Variants in SRCIN1 observed in about 807,000 individuals in gnomAD.
SRCIN1 encodes the protein SRC kinase signaling inhibitor 1.
SRCIN1 carries 50 observed loss-of-function variants against 116.2 expected under a neutral mutation model. That is an observed-to-expected ratio of 0.43 (90% CI 0.34 to 0.54). The LOEUF (loss-of-function observed/expected upper bound fraction) is 0.54. Among genes scored for constraint, SRCIN1 ranks in the 20% least tolerant of loss-of-function variants. The pLI is 0.02. For missense variants in SRCIN1, 1,446 were observed against 1,672.0 expected, an observed-to-expected ratio of 0.86 and a Z score of 2.36; for synonymous variants, 736 against 750.0, an observed-to-expected ratio of 0.98 and a Z score of 0.30.
intron 3 of SRCIN1, among the ~76,000 whole-genome samples, chr17:38,565,112 G>T (rs949385373): frequency 2.0e-5 from 3 of 152,198 alleles, no homozygotes; most frequent in African/African-American, 7.2e-5. Context: ...GGCTGGGGGT[G>T]GGGGAGGATG....
intron 11 of SRCIN1, among the ~76,000 whole-genome samples, chr17:38,557,878 G>T (rs1339008812): frequency 6.6e-6 from 1 of 152,186 alleles, no homozygotes; most frequent in East Asian, 1.9e-4. Context: ...CACTTTGCAC[G>T]GGTCACAGGC....
chr17:38,566,935 TTCTC>T (rs530738227), intron 3 of SRCIN1, among the ~76,000 whole-genome samples: 8 of 151,108 alleles, frequency 5.3e-5, no homozygotes, highest in African/African-American at 1.7e-4. Flanking sequence ...CTTTCCTTCT[TTCTC>T]TCTCTCTTTC....
rs201848377 is a variant in SRCIN1 at position 38,568,965 on chromosome 17, CAA to C, written c.325-736_325-735del. Among the ~76,000 whole-genome samples the C allele has an allele frequency of 0.013, 1,970 of 151,826 alleles. 18 individuals are homozygous for C. Among genetic ancestry groups the C allele is most frequent in the Non-Finnish European group, 0.021 (1,406 of 67,920 alleles). The stretch of plus-strand genomic sequence containing the variant: ...GAGGAGGGGGGCTGGGGCCCAAGGC[CAA>C]GAGAGAGAGGCCTATGCAGCATGGT... On this transcript the variant is annotated intron_variant, in intron 2 of 18. Coordinates refer to ENST00000617146, the MANE Select transcript of SRCIN1 (RefSeq NM_025248.3). The surrounding 1 kb of genome is among the most constrained non-coding windows in gnomAD (Gnocchi z 4.5).
intron 2 of SRCIN1, among the ~76,000 whole-genome samples, chr17:38,571,967 C>A (rs1291112763): frequency 2.0e-5 from 3 of 152,182 alleles, no homozygotes; most frequent in Non-Finnish European, 4.4e-5. Flanking sequence ...CCTCGGCCCT[C>A]ATGCCCTGGG....
At chr17:38,546,913 G>A (rs961150177) in intron 17 of SRCIN1, among the ~76,000 whole-genome samples, 38 of 85,612 alleles carry the variant, frequency 4.4e-4, no homozygotes, top group Non-Finnish European at 5.8e-4. Context: ...TCTCCAGAGC[G>A]GAGCCCCCCT....
chr17:38,569,410 G>T (rs1906931041), intron 2 of SRCIN1, among the ~76,000 whole-genome samples: 1 of 152,226 alleles, frequency 6.6e-6, no homozygotes, highest in Non-Finnish European at 1.5e-5. Flanking sequence ...ACTGGCAGAG[G>T]AGAGGGACAT....
chr17:38,577,015 G>A (rs1907461443), intron 2 of SRCIN1, among the ~76,000 whole-genome samples: 1 of 152,148 alleles, frequency 6.6e-6, no homozygotes, highest in Admixed American at 6.5e-5. Flanking sequence ...CGCCGGCCAG[G>A]TGGACCTCTG....
chr17:38,597,831 TC>T (rs1908802466), intron 1 of SRCIN1, among the ~76,000 whole-genome samples: 2 of 152,166 alleles, frequency 1.3e-5, no homozygotes, highest in African/African-American at 2.4e-5. Context: ...AGATTTCTCT[TC>T]GGCTCTGCCT....
intron 1 of SRCIN1, among the ~76,000 whole-genome samples, chr17:38,598,594 A>G (rs1270304909): frequency 6.6e-6 from 1 of 152,176 alleles, no homozygotes; most frequent in Non-Finnish European, 1.5e-5. Context: ...GGAATGGAAA[A>G]GAAGCCAGTG....
At chr17:38,538,273 C>T (rs1485033676) in intron 18 of SRCIN1, among the ~76,000 whole-genome samples, 1 of 146,534 alleles carries the variant, frequency 6.8e-6, no homozygotes, top group East Asian at 2.0e-4. Flanking sequence ...AAAAATTAGC[C>T]AGGCGTGGTT....
At position 38,604,299 on chromosome 17, in the gene SRCIN1, A is replaced by G. The variant is rs1327885329; in HGVS notation, c.22+1385T>C. Among the ~76,000 whole-genome samples, 1 of 152,072 alleles carries G rather than the reference A, an allele frequency of 6.6e-6. No individual in the cohort carries two copies. Among genetic ancestry groups the G allele is most frequent in the African/African-American group, 2.4e-5 (1 of 41,410 alleles). ...AGCCTCACCTGTTTCTCCCTTCCCC[A>G]AAACAGACAGCAGCTCCTCCATCTC... On this transcript the variant is annotated intron_variant, in intron 1 of 18. Transcript: ENST00000617146. The surrounding 1 kb of genome is among the most constrained non-coding windows in gnomAD (Gnocchi z 4.3).
rs191909704 is a variant in SRCIN1, at chr17:38,535,845, C to T, written c.3418-2414G>A. On this transcript the variant is annotated intron_variant, in intron 18 of 18. Transcript: ENST00000617146. Reference sequence around the variant, plus strand: ...TCTCTTCACACCTCACCATGTCCCCCGGCAAGGTGCTGATTCTCCCCGGTT... The same window carrying T: ...TCTCTTCACACCTCACCATGTCCCCTGGCAAGGTGCTGATTCTCCCCGGTT... 5.6e-3 allele frequency among the ~76,000 whole-genome samples: 860 copies of T among 152,290 alleles called. 2 individuals carry two copies. Among genetic ancestry groups the T allele is most frequent in the Non-Finnish European group, 9.1e-3 (620 of 68,030 alleles).
chr17:38,568,700 G>A lies in SRCIN1; in HGVS notation c.325-469C>T, dbSNP rs1465253730. ...AGGGGCAGACAAGTGGAGGGGGGTT[G>A]AGGCAAGTCACTAGTCCACATTGGC... On this transcript the variant is annotated intron_variant, in intron 2 of 18. Transcript: ENST00000617146. This position sits in a 1 kb window ranked among gnomAD's most constrained non-coding sequence, Gnocchi z 4.5. 6.6e-6 allele frequency among the ~76,000 whole-genome samples: 1 copy of A among 152,168 alleles called. No homozygotes were observed. The highest frequency in any genetic ancestry group is 2.4e-5 in the African/African-American group (1 of 41,434).
At chr17:38,571,997 C>T (rs1278408843) in intron 2 of SRCIN1, among the ~76,000 whole-genome samples, 1 of 152,144 alleles carries the variant, frequency 6.6e-6, no homozygotes, top group Non-Finnish European at 1.5e-5. Context: ...GCTAGGGCCC[C>T]TGGGGAGGCT....
chr17:38,547,391 C>G (rs1905133802), intron 17 of SRCIN1, among the ~76,000 whole-genome samples: 1 of 152,168 alleles, frequency 6.6e-6, no homozygotes, highest in South Asian at 2.1e-4. Context: ...TGAGCAAGAT[C>G]CAAACTCCAA....
intron 2 of SRCIN1, among the ~76,000 whole-genome samples, chr17:38,573,125 C>T (rs1022091984): frequency 6.6e-6 from 1 of 152,192 alleles, no homozygotes; most frequent in Non-Finnish European, 1.5e-5. Context: ...GGTGCCCTCC[C>T]AGGATCCTCT....
upstream of SRCIN1, among the ~76,000 whole-genome samples, chr17:38,606,725 C>T (rs1228788143): frequency 6.6e-6 from 1 of 152,160 alleles, no homozygotes; most frequent in African/African-American, 2.4e-5. This position sits in a 1 kb window ranked among gnomAD's most constrained non-coding sequence, Gnocchi z 5.2. Flanking sequence ...ACCCTGCCGT[C>T]CCCCGCCCCT....
chr17:38,532,250 G>A lies in SRCIN1; in HGVS notation c.*1047C>T, dbSNP rs1429440428. On this transcript the variant is annotated 3_prime_UTR_variant, in exon 19 of 19. Transcript: ENST00000617146. This position sits in a 1 kb window ranked among gnomAD's most constrained non-coding sequence, Gnocchi z 4.3. ...GACTGAAGTTCAAGTCACCCCACCT[G>A]CGGGTCCCAGGTGTCTTCAGTGCTC... is the stretch of plus-strand genomic sequence containing the variant. 2.0e-5 allele frequency: 3 copies of A among 152,478 alleles called. No individual in the cohort carries two copies. Among genetic ancestry groups the A allele is most frequent in the Non-Finnish European group, 4.4e-5 (3 of 68,054 alleles). The allele number at this position is 152,478 out of a possible 1,614,324, so 9.4% of individuals were successfully genotyped here.
intron 11 of SRCIN1, among the ~76,000 whole-genome samples, chr17:38,555,074 A>G (rs1905696799): frequency 1.3e-5 from 2 of 152,228 alleles, no homozygotes; most frequent in African/African-American, 4.8e-5. Context: ...CACTTACTGT[A>G]TGCCAGGTGC....
Sources: gnomAD v4.1 joint callset for allele counts (sites outside exome capture counted in the v4.1 genomes callset) on GRCh38, gnomAD v4.1.1 for gene constraint, Gnocchi (gnomAD v3.1) non-coding constraint, MANE v1.5 for transcripts, NCBI Gene and HGNC (gene_info 2026-07-23, HGNC 2026-07-21) for gene names.